NAV3: variants seen among roughly 807,000 people sequenced by gnomAD.
NAV3 encodes the protein pore membrane and/or filament interacting like protein 1.
A neutral mutation model predicts 244.7 loss-of-function variants in NAV3; 87 were observed. The ratio of observed to expected loss-of-function variants is 0.36; its 90% CI spans 0.30 to 0.42. NAV3 has a LOEUF of 0.42. Among genes scored for constraint, NAV3 ranks in the 20% least tolerant of loss-of-function variants. The probability of loss-of-function intolerance (pLI) is 1.00; values close to 1 mark genes in which losing one functional copy is unlikely to be tolerated. For synonymous variants in NAV3, 1,126 were observed against 1,042.2 expected (o/e 1.08, Z -1.55); for missense variants, 2,663 against 2,893.3 (o/e 0.92, Z 1.83).
At chr12:77,959,912 C>CAAAAAA (rs57550714) in intron 3 of NAV3, among the ~76,000 whole-genome samples, 17 of 64,712 alleles carry the variant, frequency 2.6e-4, no homozygotes, top group African/African-American at 5.6e-4. Context: ...CCTGACCCGA[C>CAAAAAA]AAAAAAAAAA....
At chr12:77,770,056 G>A (rs1592665909) in intron 2 of NAV3, among the ~76,000 whole-genome samples, 1 of 152,120 alleles carries the variant, frequency 6.6e-6, no homozygotes, top group Non-Finnish European at 1.5e-5. Flanking sequence ...TGGTGGCTTT[G>A]TATTTGGGTA....
At chr12:77,969,266 C>G (rs1218307658) in intron 5 of NAV3, among the ~76,000 whole-genome samples, 1 of 151,768 alleles carries the variant, frequency 6.6e-6, no homozygotes, top group Non-Finnish European at 1.5e-5. Context: ...GTGGAGTGCT[C>G]CCAAATCATG....
chr12:77,685,473 G>GCACACACA (rs778398842), intron 2 of NAV3, among the ~76,000 whole-genome samples: 964 of 42,658 alleles, frequency 0.023, 8 homozygotes, highest in African/African-American at 0.043. Context: ...GCATACACAT[G>GCACACACA]CACACACACA....
chr12:78,117,478 A>T (rs1955470327), intron 13 of NAV3, among the ~76,000 whole-genome samples: 2 of 146,770 alleles, frequency 1.4e-5, no homozygotes, highest in African/African-American at 4.9e-5. Flanking sequence ...GTGTGTATAT[A>T]TTAATATATA....
intron 2 of NAV3, among the ~76,000 whole-genome samples, chr12:77,689,851 T>G (rs922667225): frequency 3.3e-5 from 5 of 151,846 alleles, no homozygotes; most frequent in African/African-American, 1.2e-4. Context: ...ATTTTAATAT[T>G]TTTAGAAATC....
At chr12:77,875,753 C>A (rs973959349) in intron 1 of NAV3, among the ~76,000 whole-genome samples, 20 of 152,070 alleles carry the variant, frequency 1.3e-4, no homozygotes, top group African/African-American at 4.6e-4. Context: ...AATATATTAA[C>A]AATAATTAGT....
intron 1 of NAV3, among the ~76,000 whole-genome samples, chr12:77,853,735 C>A (rs904790572): frequency 2.0e-5 from 3 of 152,114 alleles, no homozygotes; most frequent in Non-Finnish European, 1.5e-5. Flanking sequence ...AAACTCTTAA[C>A]GTATGCATAC....
chr12:77,929,369 G>A (rs1046333524), intron 1 of NAV3, among the ~76,000 whole-genome samples: 23 of 152,166 alleles, frequency 1.5e-4, no homozygotes, highest in South Asian at 6.2e-4. Context: ...CTCTGGCTGC[G>A]TCACGGACAG....
At chr12:77,861,201 C>G (rs563797109) in intron 1 of NAV3, among the ~76,000 whole-genome samples, 3 of 151,620 alleles carry the variant, frequency 2.0e-5, no homozygotes, top group African/African-American at 7.2e-5. Context: ...AAATCTTTCC[C>G]AGATTAAAAA....
At chr12:78,022,308 G>T (rs985966154) in intron 9 of NAV3, among the ~76,000 whole-genome samples, 7 of 152,010 alleles carry the variant, frequency 4.6e-5, no homozygotes, top group African/African-American at 9.7e-5. Context: ...TATAGATGAT[G>T]TAAGAAAAAA....
intron 12 of NAV3, among the ~76,000 whole-genome samples, chr12:78,076,370 C>A (rs996408185): frequency 1.3e-5 from 2 of 152,086 alleles, no homozygotes; most frequent in Non-Finnish European, 2.9e-5. Flanking sequence ...TTTCTCTGTG[C>A]GCTAGTTGTG....
intron 7 of NAV3, among the ~76,000 whole-genome samples, chr12:78,005,599 A>G (rs1259637084): frequency 2.0e-5 from 3 of 152,188 alleles, no homozygotes; most frequent in African/African-American, 7.2e-5. Context: ...AAGTTTTGAG[A>G]ATGACTGTGG....
Position 78,176,427 on chromosome 12 carries a change from T to C in NAV3, c.5104-12T>C, listed in dbSNP as rs1018919853. Reference sequence around the variant, plus strand: ...TGATTTGTAATTCCACACTCTTTCATGTTTCTGCAAGGTGAACTCTAGAGG... The same window carrying C: ...TGATTTGTAATTCCACACTCTTTCACGTTTCTGCAAGGTGAACTCTAGAGG... On this transcript the variant is annotated splice_polypyrimidine_tract_variant and intron_variant, in intron 25 of 39. Coordinates refer to ENST00000397909, the MANE Select transcript of NAV3 (RefSeq NM_001024383.2). 2.5e-6 allele frequency: 4 copies of C among 1,612,498 alleles called. No homozygotes were observed. The highest frequency in any genetic ancestry group is 3.4e-6 in the Non-Finnish European group (4 of 1,179,118).
intron 9 of NAV3, among the ~76,000 whole-genome samples, chr12:78,024,498 G>T (rs983056565): frequency 6.6e-6 from 1 of 152,030 alleles, no homozygotes; most frequent in South Asian, 2.1e-4. Context: ...AAAAAGTGAA[G>T]CACAAAGAAA....
At chr12:77,709,591 C>T (rs976823878) in intron 2 of NAV3, among the ~76,000 whole-genome samples, 13 of 152,084 alleles carry the variant, frequency 8.5e-5, no homozygotes, top group Admixed American at 6.5e-5. Context: ...TAAAATTTCC[C>T]TAAGTATAAA....
At position 78,050,899 on chromosome 12, in the gene NAV3, T is replaced by C. The variant is rs201310750; in HGVS notation, c.2268T>C (p.Ala756=). 16 of 1,614,018 alleles carry C rather than the reference T, an allele frequency of 9.9e-6. No individual in the cohort carries two copies. The East Asian group carries it at 3.6e-4, about 36-fold the overall frequency. The change falls in exon 11 of 40, where the codon GCT becomes GCC. Residue 756 remains alanine, a synonymous_variant. Coordinates refer to ENST00000397909, the MANE Select transcript of NAV3 (RefSeq NM_001024383.2). Reference sequence around the variant, plus strand: ...GTCCGCGACTTCAGGCGGGAGATGCTCCCTCCCTGGGTGCTGGCTATCCTC... The same window carrying C: ...GTCCGCGACTTCAGGCGGGAGATGCCCCCTCCCTGGGTGCTGGCTATCCTC... ...QACPRLQAGD[A]PSLGAGYPRS... is the part of the protein sequence containing the mutation.
chr12:78,159,333 G>A (rs1200768639), intron 23 of NAV3, 47 bp downstream of exon 23: 10 of 1,466,128 alleles, frequency 6.8e-6, no homozygotes, highest in Non-Finnish European at 9.5e-6. Context: ...ACAGCAAATT[G>A]CATAGGATTC....
At chr12:78,037,466 C>A in intron 9 of NAV3, 1 of 607,154 alleles carries the variant, frequency 1.6e-6, no homozygotes, top group South Asian at 1.9e-5. Context: ...TTGCATTTGC[C>A]AAATAGCTTT....
chr12:77,797,523 AGT>A (rs1491382900), intron 2 of NAV3, among the ~76,000 whole-genome samples: 2,578 of 123,052 alleles, frequency 0.021, 79 homozygotes, highest in African/African-American at 0.071. Flanking sequence ...ATCTTTAAAA[AGT>A]TTTTTTTTTT....
Sources: gnomAD v4.1 joint callset for allele counts (sites outside exome capture counted in the v4.1 genomes callset) on GRCh38, gnomAD v4.1.1 for gene constraint, MANE v1.5 for transcripts, NCBI Gene and HGNC (gene_info 2026-07-23, HGNC 2026-07-21) for gene names.